The following GRIN3A variants were observed in gnomAD, a reference collection of about 807,000 sequenced individuals.
GRIN3A encodes glutamate receptor ionotropic, NMDA 3A.
In GRIN3A, 47 loss-of-function variants were observed where a neutral mutation model predicts 92.4. The observed-to-expected ratio is 0.51, with a 90% CI of 0.40 to 0.65. GRIN3A has a LOEUF of 0.65. GRIN3A is among the 30% of genes least tolerant of loss of function. GRIN3A has a pLI of 0.00. For missense variants in GRIN3A, 1,324 were observed against 1,393.1 expected (o/e 0.95, Z 0.79); for synonymous variants, 527 against 540.6 (o/e 0.97, Z 0.35).
chr9:101,669,123 G>A (rs1829280564), intron 3 of GRIN3A, among the ~76,000 whole-genome samples: 1 of 152,068 alleles, frequency 6.6e-6, no homozygotes, highest in South Asian at 2.1e-4. Context: ...ATGTTGGAAT[G>A]CACTGCAGCT....
Position 101,573,459 on chromosome 9 carries a change from A to C in GRIN3A, c.3063T>G (p.His1021Gln). ...TAAAGATGTATTTCCGTCGGTTGTC[A>C]TGACTCAGATTGGAAGTATTCCATA... is the stretch of plus-strand genomic sequence containing the variant. ...LTVWNTSNLS[H>Q]DNRRKYIFSD... Residue 1021 changes from histidine to glutamine, a missense_variant, in exon 9 of 9, where the codon CAT becomes CAG. Transcript: ENST00000361820. The C allele has an allele frequency of 1.2e-6, 2 of 1,614,058 alleles. No individual in the cohort carries two copies. The highest frequency in any genetic ancestry group is 1.7e-6 in the Non-Finnish European group (2 of 1,179,958).
chr9:101,655,667 C>T (rs149865352), intron 3 of GRIN3A, among the ~76,000 whole-genome samples: 1 of 151,920 alleles, frequency 6.6e-6, no homozygotes, highest in African/African-American at 2.4e-5. Context: ...CTTAACTCCT[C>T]TGAGCCTCAG....
chr9:101,651,100 T>C (rs192830410), intron 3 of GRIN3A, among the ~76,000 whole-genome samples: 1 of 151,998 alleles, frequency 6.6e-6, no homozygotes, highest in Non-Finnish European at 1.5e-5. Flanking sequence ...TATTTGGAAT[T>C]ATATTAATTG....
chr9:101,670,146 A>G lies in GRIN3A; in HGVS notation c.2266T>C (p.Cys756Arg). ...MNLWAIFCMF[C>R]LSTYTANLAA... is the part of the protein sequence containing the mutation. Reference sequence around the variant, plus strand: ...AAGTTTGCCGTGTATGTGGAAAGGCAAAACATACAGAAAATGGCCCAAAGG... The same window carrying G: ...AAGTTTGCCGTGTATGTGGAAAGGCGAAACATACAGAAAATGGCCCAAAGG... The change falls in exon 3 of 9, where the codon TGC (cysteine) becomes CGC (arginine). Residue 756 changes from cysteine (C) to arginine (R), a missense_variant. Coordinates refer to ENST00000361820, the MANE Select transcript of GRIN3A (RefSeq NM_133445.3). 1 of 1,613,834 alleles carries G rather than the reference A, an allele frequency of 6.2e-7. No homozygotes were observed. The highest frequency in any genetic ancestry group is 1.3e-5 in the African/African-American group (1 of 75,022).
intron 8 of GRIN3A, among the ~76,000 whole-genome samples, chr9:101,574,749 A>G (rs1827806980): frequency 1.3e-5 from 2 of 152,192 alleles, no homozygotes; most frequent in South Asian, 4.1e-4. Flanking sequence ...AAAGTGGCAG[A>G]CATATCAGAG....
intron 6 of GRIN3A, among the ~76,000 whole-genome samples, chr9:101,606,837 A>AAGG (rs1825185809): frequency 6.6e-6 from 1 of 152,058 alleles, no homozygotes. Context: ...CCTGGTTTGC[A>AAGG]AATAACCGAT....
At chr9:101,623,772 CTTG>C (rs926700833) in intron 4 of GRIN3A, among the ~76,000 whole-genome samples, 26 of 152,348 alleles carry the variant, frequency 1.7e-4, no homozygotes, top group Middle Eastern at 3.4e-3. Flanking sequence ...AGAGGGACTT[CTTG>C]TTGTTAGGCA....
rs1827772727 is a variant in GRIN3A at position 101,572,403 on chromosome 9, A to G, written c.*771T>C. 6.5e-6 allele frequency: 1 copy of G among 152,734 alleles called. No individual in the cohort carries two copies. The allele number at this position is 152,734 out of a possible 1,614,324, so 9.5% of individuals were successfully genotyped here. A position where few individuals can be genotyped will look rare whatever the true frequency, so the allele number is the denominator to read the frequency against. On this transcript the variant is annotated 3_prime_UTR_variant, in exon 9 of 9. Coordinates refer to ENST00000361820, the MANE Select transcript of GRIN3A (RefSeq NM_133445.3). Reference sequence around the variant, plus strand: ...AGTTACATTAGAAGTAGTCTTATTCATTTTTTAGCCAAATTGCCTTTCTGG... The same window carrying G: ...AGTTACATTAGAAGTAGTCTTATTCGTTTTTTAGCCAAATTGCCTTTCTGG...
intron 3 of GRIN3A, among the ~76,000 whole-genome samples, chr9:101,634,624 G>A (rs1828760816): frequency 6.6e-6 from 1 of 152,080 alleles, no homozygotes; most frequent in Non-Finnish European, 1.5e-5. Context: ...ACCCTGACTT[G>A]AAGTTCTTAA....
chr9:101,670,500 G>A lies in GRIN3A; in HGVS notation c.1912C>T (p.Arg638Trp), dbSNP rs763643147. The A allele has an allele frequency of 1.5e-5, 25 of 1,613,882 alleles. No homozygotes were observed. The highest frequency in any genetic ancestry group is 1.6e-4 in the Middle Eastern group (1 of 6,084). Residue 638 changes from arginine to tryptophan, a missense_variant, in exon 3 of 9, where the codon CGG becomes TGG. Coordinates refer to ENST00000361820, the MANE Select transcript of GRIN3A (RefSeq NM_133445.3). ...CTGGTGAAATCTATCACCTGGCTCC[G>A]TGCAGTATTGATGCTAAAGGAAGTG... ...AVTSFSINTARSQVIDFTSPF... is the reference protein window; with the variant it reads ...AVTSFSINTAWSQVIDFTSPF...
chr9:101,631,124 G>A (rs554613500), intron 3 of GRIN3A, among the ~76,000 whole-genome samples: 69 of 152,202 alleles, frequency 4.5e-4, no homozygotes, highest in African/African-American at 1.3e-3. Flanking sequence ...TGTGATTAGC[G>A]TCTAGACTCT....
intron 6 of GRIN3A, among the ~76,000 whole-genome samples, chr9:101,602,780 G>C (rs547448489): frequency 6.6e-6 from 1 of 152,272 alleles, no homozygotes; most frequent in Admixed American, 6.5e-5. Context: ...CCTTCTCTCA[G>C]AATCCTAATT....
Position 101,715,200 on chromosome 9 carries a change from T to TAAAAAAAAA in GRIN3A, c.699+22072_699+22080dup, listed in dbSNP as rs5899459. ...ATGGGACATTTTGTGACAAAAATGG[T>TAAAAAAAAA]AAAAAAAAAAAAAAAAAAAGAAAAT... On this transcript the variant is annotated intron_variant, in intron 1 of 8. Transcript: ENST00000361820. 7.0e-5 allele frequency among the ~76,000 whole-genome samples: 9 copies of TAAAAAAAAA among 127,684 alleles called. 1 individual carries two copies. The highest frequency in any genetic ancestry group is 9.0e-5 in the African/African-American group (3 of 33,350). 83.8% of individuals were successfully genotyped at this position (127,684 alleles called of 152,430 possible).
intron 1 of GRIN3A, among the ~76,000 whole-genome samples, chr9:101,693,245 ATATAT>A (rs1471164296): frequency 2.7e-3 from 10 of 3,660 alleles, no homozygotes; most frequent in East Asian, 0.017. Context: ...CTCAGCTAAA[ATATAT>A]ATATATATAT....
At chr9:101,697,989 T>G (rs1829704359) in intron 1 of GRIN3A, among the ~76,000 whole-genome samples, 1 of 152,200 alleles carries the variant, frequency 6.6e-6, no homozygotes. Context: ...TCTGTAATGC[T>G]TAAGCCACAC....
intron 1 of GRIN3A, among the ~76,000 whole-genome samples, chr9:101,726,635 G>A (rs550275192): frequency 1.3e-5 from 2 of 151,592 alleles, no homozygotes; most frequent in Admixed American, 6.6e-5. Flanking sequence ...CAATATAGAA[G>A]TCACTACCCA....
chr9:101,729,873 C>T (rs192546907), intron 1 of GRIN3A, among the ~76,000 whole-genome samples: 26 of 152,218 alleles, frequency 1.7e-4, no homozygotes, highest in African/African-American at 5.8e-4. Context: ...TATGTCCCAA[C>T]TCAATTTTTT....
chr9:101,643,687 A>ACC (rs1828896969), intron 3 of GRIN3A, among the ~76,000 whole-genome samples: 1 of 151,112 alleles, frequency 6.6e-6, no homozygotes, highest in African/African-American at 2.4e-5. Flanking sequence ...TCTCTCTCAC[A>ACC]CACACACACC....
chr9:101,605,387 A>G (rs528322990), intron 6 of GRIN3A, among the ~76,000 whole-genome samples: 2 of 152,166 alleles, frequency 1.3e-5, no homozygotes, highest in East Asian at 3.9e-4. Flanking sequence ...GAAGTCAGGG[A>G]GGTTAAGCAA....
Sources: gnomAD v4.1 joint callset for allele counts (sites outside exome capture counted in the v4.1 genomes callset) on GRCh38, gnomAD v4.1.1 for gene constraint, MANE v1.5 for transcripts, NCBI Gene and HGNC (gene_info 2026-07-23, HGNC 2026-07-21) for gene names.